MAP3K20: variants seen among roughly 807,000 people sequenced by gnomAD.
MAP3K20 encodes HCCS-4.
Under a neutral mutation model 85.7 loss-of-function variants are expected in MAP3K20, and 40 were observed. The observed-to-expected ratio is 0.47, with a 90% confidence interval of 0.36 to 0.61. The LOEUF (loss-of-function observed/expected upper bound fraction) is 0.61. Among genes scored for constraint, MAP3K20 ranks in the 20% least tolerant of loss-of-function variants. The pLI is 0.00. For missense variants in MAP3K20, 817 were observed against 961.7 expected (o/e 0.85, Z 1.99); for synonymous variants, 325 against 327.7 (o/e 0.99, Z 0.09).
At chr2:173,120,014 G>C (rs186927021) in intron 2 of MAP3K20, among the ~76,000 whole-genome samples, 3 of 152,058 alleles carry the variant, frequency 2.0e-5, no homozygotes, top group Admixed American at 2.0e-4. Context: ...CAAAGAACAA[G>C]CAAAGCCCCC....
intron 10 of MAP3K20, among the ~76,000 whole-genome samples, chr2:173,214,762 T>TC (rs890580014): frequency 8.5e-5 from 13 of 152,364 alleles, no homozygotes; most frequent in Middle Eastern, 3.4e-3. Flanking sequence ...ACCATAATTT[T>TC]CATCAACTAA....
Position 173,225,548 on chromosome 2 carries a change from T to G in MAP3K20, c.988-4141T>G, listed in dbSNP as rs951611355. ...GGCAGAGGTTGCAGTGAGCTGAGAT[T>G]GCACCACTACACTCCAGCCTGGATG... On this transcript the variant is annotated intron_variant, in intron 11 of 19. Transcript: ENST00000375213. 7.3e-6 allele frequency: 7 copies of G among 954,126 alleles called. No individual in the cohort carries two copies. The African/African-American group carries it at 1.3e-4, about 18-fold the overall frequency. 59.1% of individuals were successfully genotyped at this position (954,126 alleles called of 1,614,324 possible). A position where few individuals can be genotyped will look rare whatever the true frequency, so the allele number is the denominator to read the frequency against.
chr2:173,139,385 C>G (rs534412978), intron 2 of MAP3K20, among the ~76,000 whole-genome samples: 6 of 152,234 alleles, frequency 3.9e-5, no homozygotes, highest in African/African-American at 1.4e-4. Flanking sequence ...TGGGCCAGTC[C>G]CTTTTATCTT....
chr2:173,218,116 A>G (rs1427845503), intron 11 of MAP3K20, among the ~76,000 whole-genome samples: 1 of 152,160 alleles, frequency 6.6e-6, no homozygotes, highest in Admixed American at 6.5e-5. Flanking sequence ...TTCATTTTTG[A>G]TAGTTGCTAT....
intron 19 of MAP3K20, among the ~76,000 whole-genome samples, chr2:173,265,488 GTCTT>G (rs1262778643): frequency 6.6e-6 from 1 of 152,160 alleles, no homozygotes; most frequent in Non-Finnish European, 1.5e-5. Context: ...CACGTGAACG[GTCTT>G]TCTTCCAAAC....
intron 1 of MAP3K20, 32 bp downstream of exon 1, chr2:173,076,034 G>T: frequency 1.0e-6 from 1 of 983,346 alleles, no homozygotes; most frequent in Non-Finnish European, 1.2e-6. Flanking sequence ...GCGGAGGGCG[G>T]GGAGGGAGGG....
intron 2 of MAP3K20, among the ~76,000 whole-genome samples, chr2:173,104,898 A>T (rs112990860): frequency 1.4e-3 from 208 of 152,246 alleles, no homozygotes; most frequent in African/African-American, 4.9e-3. Context: ...AACATTCCAG[A>T]TACAGGCCCA....
At chr2:173,192,217 G>A (rs1045508219) in intron 7 of MAP3K20, among the ~76,000 whole-genome samples, 2 of 152,124 alleles carry the variant, frequency 1.3e-5, no homozygotes, top group Non-Finnish European at 2.9e-5. Context: ...TTTTCTTACT[G>A]CAGGTGGTAG....
intron 2 of MAP3K20, among the ~76,000 whole-genome samples, chr2:173,107,140 A>G (rs1574018342): frequency 2.0e-5 from 3 of 152,336 alleles, no homozygotes; most frequent in African/African-American, 7.2e-5. Context: ...ATGAAGGCTC[A>G]TGAATGATGC....
intron 2 of MAP3K20, among the ~76,000 whole-genome samples, chr2:173,094,462 A>G (rs531240460): frequency 5.3e-5 from 8 of 152,184 alleles, no homozygotes; most frequent in Admixed American, 2.6e-4. Flanking sequence ...CATTTTGCCA[A>G]CTTTTGCAAT....
At chr2:173,096,834 T>C (rs1455698108) in intron 2 of MAP3K20, among the ~76,000 whole-genome samples, 1 of 152,220 alleles carries the variant, frequency 6.6e-6, no homozygotes, top group African/African-American at 2.4e-5. Context: ...TTTTAAATAG[T>C]GTTTGCAATA....
chr2:173,081,819 A>G (rs1414647832), intron 1 of MAP3K20, among the ~76,000 whole-genome samples: 1 of 152,192 alleles, frequency 6.6e-6, no homozygotes, highest in Non-Finnish European at 1.5e-5. Context: ...GAGACCGTCT[A>G]TACTTTATAG....
chr2:173,230,448 A>G (rs79652135), intron 12 of MAP3K20, among the ~76,000 whole-genome samples: 64 of 152,308 alleles, frequency 4.2e-4, no homozygotes, highest in African/African-American at 1.4e-3. Flanking sequence ...GGCCTGTTTG[A>G]AAGTGAGGCA....
At chr2:173,243,660 C>T (rs939231697) in intron 16 of MAP3K20, among the ~76,000 whole-genome samples, 1 of 152,206 alleles carries the variant, frequency 6.6e-6, no homozygotes, top group Non-Finnish European at 1.5e-5. Context: ...CTCTTTCGCC[C>T]AGGCCAGAGT....
chr2:173,140,241 A>AC (rs1290296289), intron 2 of MAP3K20, among the ~76,000 whole-genome samples: 2 of 152,004 alleles, frequency 1.3e-5, no homozygotes, highest in Non-Finnish European at 2.9e-5. Context: ...CAAACTCATG[A>AC]CCTCGTGATC....
intron 2 of MAP3K20, among the ~76,000 whole-genome samples, chr2:173,140,813 C>A (rs574522226): frequency 2.0e-5 from 3 of 147,928 alleles, no homozygotes; most frequent in Non-Finnish European, 4.5e-5. Context: ...CAAAATTATG[C>A]GGAACTAAAC....
intron 2 of MAP3K20, among the ~76,000 whole-genome samples, chr2:173,164,986 T>C (rs918962581): frequency 2.0e-5 from 3 of 152,182 alleles, no homozygotes; most frequent in Non-Finnish European, 4.4e-5. Flanking sequence ...AGAAAGGAAC[T>C]GGCCCCAGCT....
chr2:173,148,464 C>T (rs1323973432), intron 2 of MAP3K20, among the ~76,000 whole-genome samples: 1 of 152,176 alleles, frequency 6.6e-6, no homozygotes, highest in East Asian at 1.9e-4. Context: ...TCCACTATCT[C>T]CTGATATCCT....
At chr2:173,181,221 AAAAC>A (rs1380962071) in intron 3 of MAP3K20, among the ~76,000 whole-genome samples, 3 of 152,182 alleles carry the variant, frequency 2.0e-5, no homozygotes, top group Non-Finnish European at 4.4e-5. Context: ...CATAATCAAA[AAAAC>A]AGACAATACT....
Sources: gnomAD v4.1 joint callset for allele counts (sites outside exome capture counted in the v4.1 genomes callset) on GRCh38, gnomAD v4.1.1 for gene constraint, MANE v1.5 for transcripts, NCBI Gene and HGNC (gene_info 2026-07-23, HGNC 2026-07-21) for gene names.